The following RBFOX1 variants were observed in gnomAD, a reference collection of about 807,000 sequenced individuals.
The protein encoded by RBFOX1 is RNA binding fox-1 homolog 1, also known as RNA binding protein fox-1 homolog 1.
In RBFOX1, 8 loss-of-function variants were observed where a neutral mutation model predicts 57.7. The observed-to-expected ratio is 0.14, with a 90% CI of 0.08 to 0.25. The LOEUF (loss-of-function observed/expected upper bound fraction) is 0.25, where lower values mean the gene tolerates loss of function less well. Ranked by LOEUF, RBFOX1 falls within the 10% of genes least tolerant of loss-of-function variation. The pLI is 1.00. For missense variants in RBFOX1, 611 were observed against 548.5 expected, an observed-to-expected ratio of 1.11 and a Z score of -1.14; for synonymous variants, 326 against 222.4, an observed-to-expected ratio of 1.47 and a Z score of -4.15.
chr16:6,336,154 C>CATATATATATATATATAT (rs768962177), intron 2 of RBFOX1, among the ~76,000 whole-genome samples: 6 of 43,216 alleles, frequency 1.4e-4, no homozygotes, highest in African/African-American at 3.2e-4. Flanking sequence ...TATACATATA[C>CATATATATATATATATAT]ATATATATAT....
intron 4 of RBFOX1, among the ~76,000 whole-genome samples, chr16:7,371,534 G>C (rs551076879): frequency 1.3e-5 from 2 of 152,304 alleles, no homozygotes; most frequent in South Asian, 2.1e-4. Context: ...CGGATAACCT[G>C]AGGTCAGGAG....
At chr16:6,419,149 C>G (rs1390473119) in intron 2 of RBFOX1, among the ~76,000 whole-genome samples, 2 of 152,170 alleles carry the variant, frequency 1.3e-5, no homozygotes, top group African/African-American at 4.8e-5. Flanking sequence ...TTTTCCAAAC[C>G]TTCAATTTTA....
At chr16:6,910,556 C>T (rs552022817) in intron 3 of RBFOX1, among the ~76,000 whole-genome samples, 8 of 152,248 alleles carry the variant, frequency 5.3e-5, no homozygotes, top group South Asian at 4.2e-4. Context: ...CCAAAACGGC[C>T]CCTATTGGGG....
intron 2 of RBFOX1, among the ~76,000 whole-genome samples, chr16:5,473,313 T>C (rs979499447): frequency 1.3e-5 from 2 of 152,226 alleles, no homozygotes; most frequent in African/African-American, 4.8e-5. Context: ...AAACAGACCT[T>C]ACCTGACACC....
At chr16:6,734,852 A>C (rs2069686008) in intron 3 of RBFOX1, among the ~76,000 whole-genome samples, 1 of 152,214 alleles carries the variant, frequency 6.6e-6, no homozygotes, top group Non-Finnish European at 1.5e-5. Context: ...CAATGAAAAG[A>C]TGAGTCATTT....
At chr16:6,319,184 A>G (rs1344903984) in intron 2 of RBFOX1, among the ~76,000 whole-genome samples, 1 of 152,116 alleles carries the variant, frequency 6.6e-6, no homozygotes, top group East Asian at 1.9e-4. Context: ...TACATGGCTG[A>G]CACTGGGCCT....
intron 4 of RBFOX1, among the ~76,000 whole-genome samples, chr16:7,442,791 C>G (rs1025497203): frequency 6.6e-6 from 1 of 152,138 alleles, no homozygotes; most frequent in Non-Finnish European, 1.5e-5. Flanking sequence ...GATCGTCACC[C>G]ACCAGATCAG....
At chr16:5,924,366 G>T (rs1423640352) in intron 4 of RBFOX1, among the ~76,000 whole-genome samples, 2 of 152,180 alleles carry the variant, frequency 1.3e-5, no homozygotes, top group African/African-American at 4.8e-5. Flanking sequence ...TGGAGATGGG[G>T]CCTAATGAGA....
chr16:5,806,150 G>C lies in RBFOX1; in HGVS notation c.319-61153G>C, dbSNP rs1865818. 6.9e-3 allele frequency among the ~76,000 whole-genome samples: 1,049 copies of C among 152,084 alleles called. 14 individuals carry two copies. Among genetic ancestry groups the C allele is most frequent in the African/African-American group, 0.023 (966 of 41,478 alleles). ...TGCCTTCCCTGTTACCTACAATTCA[G>C]TTCTCTCATTTTCTGTCTTTCTTCA... On this transcript the variant is annotated intron_variant, in intron 3 of 19. Transcript: ENST00000641259.
chr16:5,734,141 C>G (rs2052488011), intron 3 of RBFOX1, among the ~76,000 whole-genome samples: 1 of 152,136 alleles, frequency 6.6e-6, no homozygotes, highest in African/African-American at 2.4e-5. Flanking sequence ...CCTGTTGGGT[C>G]TCTGAGATAG....
rs967159702 is a variant in RBFOX1, at chr16:6,938,493, C to G, written c.-15-113564C>G. On this transcript the variant is annotated intron_variant, in intron 3 of 15. Transcript: ENST00000550418. ...TGTCTGAGAAATTTCTAAGTCTCAT[C>G]CATAATATTAATAAGGATTAAATAA... Among the ~76,000 whole-genome samples, 10 of 152,120 alleles carry G rather than the reference C, an allele frequency of 6.6e-5. No homozygotes were observed. In the South Asian group the frequency reaches 1.7e-3, roughly 25 times the overall value.
rs1251560689 is a variant in RBFOX1, at chr16:6,001,986, A to T, written c.351+134651A>T. Among the ~76,000 whole-genome samples, 34 of 118,624 alleles carry T rather than the reference A, an allele frequency of 2.9e-4. 1 individual carries two copies. Among genetic ancestry groups the T allele is most frequent in the South Asian group, 2.7e-3 (10 of 3,694 alleles). The allele number at this position is 118,624 out of a possible 152,430, so 77.8% of individuals were successfully genotyped here. Reference sequence around the variant, plus strand: ...CTTAAACCTTTTTTTTTTTTTTTTGAGACTGGGTCTTGCTCTGTCACTCAG... The same window carrying T: ...CTTAAACCTTTTTTTTTTTTTTTTGTGACTGGGTCTTGCTCTGTCACTCAG... On this transcript the variant is annotated intron_variant, in intron 4 of 19. Transcript: ENST00000641259.
At chr16:7,569,075 G>A (rs11647080) in intron 5 of RBFOX1, among the ~76,000 whole-genome samples, 57,223 of 151,430 alleles carry the variant, frequency 0.38, 11,282 homozygotes, top group South Asian at 0.56. Context: ...CCCATTATCC[G>A]TTATCGCTTT....
At chr16:7,087,025 C>A (rs1022197105) in intron 4 of RBFOX1, among the ~76,000 whole-genome samples, 1 of 152,140 alleles carries the variant, frequency 6.6e-6, no homozygotes, top group Non-Finnish European at 1.5e-5. Flanking sequence ...CCTCTGAGCC[C>A]GCAATGACAC....
At chr16:6,964,169 C>T (rs1457867703) in intron 3 of RBFOX1, among the ~76,000 whole-genome samples, 5 of 152,092 alleles carry the variant, frequency 3.3e-5, no homozygotes, top group African/African-American at 9.7e-5. Context: ...AGGCATGTGC[C>T]AACATGCCTG....
At chr16:7,419,835 A>G (rs1353622099) in intron 4 of RBFOX1, among the ~76,000 whole-genome samples, 2 of 150,928 alleles carry the variant, frequency 1.3e-5, no homozygotes, top group African/African-American at 4.9e-5. Flanking sequence ...TAATGGAGGC[A>G]TGTCCTTTTT....
At position 6,316,995 on chromosome 16, in the gene RBFOX1, G is replaced by A. The variant is rs960057237; in HGVS notation, c.-126G>A. On this transcript the variant is annotated splice_region_variant and 5_prime_UTR_variant, in exon 2 of 16. Coordinates refer to ENST00000550418, the MANE Select transcript of RBFOX1 (RefSeq NM_018723.4). ...AGTCATTCCCCTTTTTCTTCTTTAG[G>A]AAACTGGTCAAAGAACTCATGCAAG... The A allele has an allele frequency of 2.0e-6, 3 of 1,534,402 alleles. No individual in the cohort carries two copies. The highest frequency in any genetic ancestry group is 2.6e-6 in the Non-Finnish European group (3 of 1,146,006).
intron 4 of RBFOX1, among the ~76,000 whole-genome samples, chr16:5,921,039 G>T (rs748217740): frequency 1.3e-5 from 2 of 152,126 alleles, no homozygotes; most frequent in Non-Finnish European, 1.5e-5. Flanking sequence ...TTCCTGCTCC[G>T]TCTCTGATGT....
At chr16:6,756,287 C>G (rs977837905) in intron 3 of RBFOX1, among the ~76,000 whole-genome samples, 1 of 152,082 alleles carries the variant, frequency 6.6e-6, no homozygotes, top group Admixed American at 6.6e-5. Flanking sequence ...AAGAGTGAAA[C>G]AAGACCCTAT....
Sources: gnomAD v4.1 joint callset for allele counts (sites outside exome capture counted in the v4.1 genomes callset) on GRCh38, gnomAD v4.1.1 for gene constraint, MANE v1.5 for transcripts, NCBI Gene and HGNC (gene_info 2026-07-23, HGNC 2026-07-21) for gene names.